The following DLGAP1 variants were observed in gnomAD, a reference collection of about 807,000 sequenced individuals.
DLGAP1 encodes the protein disks large-associated protein 1.
In DLGAP1, 11 loss-of-function variants were observed where a neutral mutation model predicts 90.8. The ratio of observed to expected loss-of-function variants is 0.12; its 90% CI spans 0.08 to 0.20. The LOEUF (loss-of-function observed/expected upper bound fraction) is 0.20. Among genes scored for constraint, DLGAP1 ranks in the 10% least tolerant of loss-of-function variants. The pLI is 1.00. For missense variants in DLGAP1, 1,050 were observed against 1,333.8 expected (o/e 0.79, Z 3.31); for synonymous variants, 558 against 540.7 (o/e 1.03, Z -0.44).
At chr18:4,286,849 T>C (rs1043439678) in intron 1 of DLGAP1, among the ~76,000 whole-genome samples, 2 of 151,946 alleles carry the variant, frequency 1.3e-5, no homozygotes, top group Non-Finnish European at 2.9e-5. Context: ...ATATGAAGTA[T>C]TGGGGTTGAG....
At chr18:3,606,751 AG>A (rs1489287091) in intron 7 of DLGAP1, 1 of 152,218 alleles carries the variant, frequency 6.6e-6, no homozygotes, top group Non-Finnish European at 1.5e-5. Context: ...ATTTTGAAAA[AG>A]CACCTGCATT....
rs1398024235 is a variant in DLGAP1 at position 4,265,636 on chromosome 18, TCC to T, written c.-266-114351_-266-114350del. 1.1e-3 allele frequency among the ~76,000 whole-genome samples: 32 copies of T among 30,402 alleles called. 1 individual carries two copies. Among genetic ancestry groups the T allele is most frequent in the African/African-American group, 3.0e-3 (9 of 2,980 alleles). 19.9% of individuals were successfully genotyped at this position (30,402 alleles called of 152,430 possible). On this transcript the variant is annotated intron_variant, in intron 1 of 12. Transcript: ENST00000315677. ...CCTTCCCTCCCTCCCCTTCCCTCCCTCCCCTTCCCTCCCTCCCTCCCTCCCTC... is the reference window on the plus strand; with the variant it reads ...CCTTCCCTCCCTCCCCTTCCCTCCCTCCTTCCCTCCCTCCCTCCCTCCCTC...
chr18:4,379,309 C>G (rs1411806200), intron 1 of DLGAP1, among the ~76,000 whole-genome samples: 1 of 152,098 alleles, frequency 6.6e-6, no homozygotes, highest in Non-Finnish European at 1.5e-5. Context: ...CTTTTTAGCT[C>G]TACTCCCAAG....
chr18:3,842,929 C>T (rs773538628), intron 4 of DLGAP1, among the ~76,000 whole-genome samples: 32 of 152,170 alleles, frequency 2.1e-4, no homozygotes, highest in Non-Finnish European at 7.3e-5. Context: ...CTTTGTTCCT[C>T]GCCCAGTTAA....
chr18:4,018,048 C>A (rs2074551350), intron 2 of DLGAP1, among the ~76,000 whole-genome samples: 1 of 152,098 alleles, frequency 6.6e-6, no homozygotes, highest in South Asian at 2.1e-4. Context: ...ACCAAAATAT[C>A]CATTGTTTCT....
chr18:3,502,077 A>G, intron 12 of DLGAP1: 1 of 865,436 alleles, frequency 1.2e-6, no homozygotes, highest in Non-Finnish European at 1.4e-6. Context: ...AAAGTCAGTT[A>G]TTTTTCAGGG....
At chr18:4,443,350 T>C (rs1309865766) in intron 1 of DLGAP1, among the ~76,000 whole-genome samples, 1 of 152,210 alleles carries the variant, frequency 6.6e-6, no homozygotes, top group East Asian at 1.9e-4. Context: ...GGCACACTCA[T>C]GCAGGAGGAG....
intron 2 of DLGAP1, among the ~76,000 whole-genome samples, chr18:4,123,218 G>A (rs2144127075): frequency 6.6e-6 from 1 of 152,212 alleles, no homozygotes; most frequent in Non-Finnish European, 1.5e-5. Flanking sequence ...TGGAGTCAGG[G>A]GAGTTTTAGT....
At chr18:4,184,158 A>T (rs1440384240) in intron 1 of DLGAP1, among the ~76,000 whole-genome samples, 1 of 152,174 alleles carries the variant, frequency 6.6e-6, no homozygotes, top group Non-Finnish European at 1.5e-5. Context: ...AATTAAATGA[A>T]TTCAAAGGCT....
chr18:4,143,418 C>T (rs2076529068), intron 2 of DLGAP1, among the ~76,000 whole-genome samples: 1 of 151,820 alleles, frequency 6.6e-6, no homozygotes, highest in South Asian at 2.1e-4. Context: ...GTGATGAGTA[C>T]TGCCAGGGTA....
At chr18:3,611,338 T>C (rs552068051) in intron 7 of DLGAP1, among the ~76,000 whole-genome samples, 2 of 151,894 alleles carry the variant, frequency 1.3e-5, no homozygotes, top group Non-Finnish European at 2.9e-5. Flanking sequence ...AGATTGCTGC[T>C]CCATCTTTTA....
chr18:3,538,294 CATTTGCTG>C (rs2052493430), intron 9 of DLGAP1, among the ~76,000 whole-genome samples: 1 of 151,434 alleles, frequency 6.6e-6, no homozygotes, highest in South Asian at 2.1e-4. Context: ...AAAGTTGACC[CATTTGCTG>C]TTTTCAAAAA....
rs543958649 is a variant in DLGAP1 at position 3,840,455 on chromosome 18, CT to C, written c.958-26183del. 5.3e-5 allele frequency among the ~76,000 whole-genome samples: 8 copies of C among 152,316 alleles called. No homozygotes were observed. In the South Asian group the frequency reaches 1.2e-3, roughly 24 times the overall value. ...AAGAGCAAAGCATCTTCAAATCTCT[CT>C]CCGCTTCCACGGCCACATAGTCTCC... On this transcript the variant is annotated intron_variant, in intron 4 of 12. Transcript: ENST00000315677.
At chr18:3,548,221 C>A (rs542420398) in intron 9 of DLGAP1, among the ~76,000 whole-genome samples, 2 of 151,996 alleles carry the variant, frequency 1.3e-5, no homozygotes, top group South Asian at 4.2e-4. Context: ...AATTGTATAC[C>A]TTAAAATGGT....
chr18:3,808,549 G>C lies in DLGAP1; in HGVS notation c.1172+5510C>G, dbSNP rs559289338. Among the ~76,000 whole-genome samples, 6 of 152,208 alleles carry C rather than the reference G, an allele frequency of 3.9e-5. No homozygotes were observed. The South Asian group carries it at 1.2e-3, about 32-fold the overall frequency. On this transcript the variant is annotated intron_variant, in intron 5 of 12. Transcript: ENST00000315677. Reference sequence around the variant, plus strand: ...CAATGATACGGAGGAACAGGTAGGAGAGGAACAAAAAAGCATTTAGGCAAA... The same window carrying C: ...CAATGATACGGAGGAACAGGTAGGACAGGAACAAAAAAGCATTTAGGCAAA...
At chr18:3,564,171 G>A (rs2054304653) in intron 9 of DLGAP1, among the ~76,000 whole-genome samples, 1 of 152,198 alleles carries the variant, frequency 6.6e-6, no homozygotes, top group South Asian at 2.1e-4. Flanking sequence ...GAAAGGAACT[G>A]TGGTAAATTG....
intron 5 of DLGAP1, among the ~76,000 whole-genome samples, chr18:3,798,599 T>C (rs2066130403): frequency 1.3e-5 from 2 of 152,158 alleles, no homozygotes; most frequent in South Asian, 4.1e-4. Flanking sequence ...AGTACCCTGG[T>C]CTCTGAGCGT....
chr18:4,158,954 T>TA (rs1172378770), intron 1 of DLGAP1, among the ~76,000 whole-genome samples: 2 of 152,128 alleles, frequency 1.3e-5, no homozygotes, highest in Non-Finnish European at 2.9e-5. Flanking sequence ...AAAGCTGTTT[T>TA]AAAAAAAGAA....
chr18:4,122,855 G>T (rs762664518), intron 2 of DLGAP1, among the ~76,000 whole-genome samples: 1 of 152,110 alleles, frequency 6.6e-6, no homozygotes, highest in Non-Finnish European at 1.5e-5. Flanking sequence ...AAGAGCAAAG[G>T]TTCTCCCTTC....
Sources: gnomAD v4.1 joint callset for allele counts (sites outside exome capture counted in the v4.1 genomes callset) on GRCh38, gnomAD v4.1.1 for gene constraint, MANE v1.5 for transcripts, NCBI Gene and HGNC (gene_info 2026-07-23, HGNC 2026-07-21) for gene names.